Variants in TDRD3 observed in about 807,000 individuals in gnomAD.
TDRD3 encodes tudor domain-containing protein 3.
A neutral mutation model predicts 86.7 loss-of-function variants in TDRD3; 45 were observed. The observed-to-expected ratio is 0.52, with a 90% CI of 0.41 to 0.67. The LOEUF is 0.67. TDRD3 is among the 30% of genes least tolerant of loss of function. The pLI is 0.00. For missense variants in TDRD3, 814 were observed against 889.0 expected (o/e 0.92, Z 1.07); for synonymous variants, 298 against 301.7 (o/e 0.99, Z 0.13).
rs1205963190 is a variant in TDRD3 at position 60,573,013 on chromosome 13, TCC to T, written c.*10-602_*10-601del. Among the ~76,000 whole-genome samples the T allele has an allele frequency of 3.3e-5, 5 of 152,298 alleles. No individual in the cohort carries two copies. The East Asian group carries it at 9.6e-4, about 29-fold the overall frequency. ...GCTGTTTGTATGCAGCCGCAGGAAC[TCC>T]ACTAGTCCCTGCCTAAGCACGCTGT... is the stretch of plus-strand genomic sequence containing the variant. On this transcript the variant is annotated intron_variant, in intron 13 of 13. Transcript: ENST00000377881.
intron 3 of TDRD3, among the ~76,000 whole-genome samples, chr13:60,445,577 C>A (rs1477715865): frequency 6.6e-6 from 1 of 152,158 alleles, no homozygotes; most frequent in Non-Finnish European, 1.5e-5. Context: ...GGCTAGAACA[C>A]AAATTGCTGG....
intron 12 of TDRD3, among the ~76,000 whole-genome samples, chr13:60,560,324 A>G (rs1958303380): frequency 6.6e-6 from 1 of 152,170 alleles, no homozygotes. Flanking sequence ...TGGAATAAGC[A>G]TTCATACTCC....
intron 10 of TDRD3, among the ~76,000 whole-genome samples, chr13:60,524,336 G>A (rs549579368): frequency 4.6e-5 from 7 of 151,706 alleles, no homozygotes; most frequent in Non-Finnish European, 7.4e-5. Context: ...GTGAAACCCC[G>A]TCTCTACTAA....
At chr13:60,520,552 T>A (rs1446986450) in intron 10 of TDRD3, among the ~76,000 whole-genome samples, 1 of 152,138 alleles carries the variant, frequency 6.6e-6, no homozygotes, top group Non-Finnish European at 1.5e-5. Context: ...TCCCCACTCC[T>A]CCTAGTTTTT....
chr13:60,507,578 C>T lies in TDRD3; in HGVS notation c.859-2185C>T, dbSNP rs538307906. On this transcript the variant is annotated intron_variant, in intron 8 of 13. Coordinates refer to ENST00000377881, the MANE Select transcript of TDRD3 (RefSeq NM_001146070.2). The stretch of plus-strand genomic sequence containing the variant: ...TAGGTGGAAACTGAACAACCTTCTC[C>T]TGAATGACTACTGGGTAAATAAAAA... Among the ~76,000 whole-genome samples, 4 of 152,284 alleles carry T rather than the reference C, an allele frequency of 2.6e-5. No individual in the cohort carries two copies. In the South Asian group the frequency reaches 8.3e-4, roughly 32 times the overall value.
At chr13:60,552,034 C>G (rs1211963191) in intron 12 of TDRD3, among the ~76,000 whole-genome samples, 2 of 152,126 alleles carry the variant, frequency 1.3e-5, no homozygotes, top group Non-Finnish European at 2.9e-5. Context: ...ATCTTTCCAC[C>G]CTGGCTTCTC....
At chr13:60,496,288 CAT>C (rs56211733) in intron 8 of TDRD3, among the ~76,000 whole-genome samples, 206 of 60,854 alleles carry the variant, frequency 3.4e-3, no homozygotes, top group Middle Eastern at 0.019. Flanking sequence ...AACAAACTCC[CAT>C]ATATATATAT....
At chr13:60,461,562 G>A (rs1272817426) in intron 4 of TDRD3, among the ~76,000 whole-genome samples, 2 of 151,996 alleles carry the variant, frequency 1.3e-5, no homozygotes, top group South Asian at 2.1e-4. Context: ...TTTGCAGCTC[G>A]GGCTCCTCTA....
At chr13:60,560,216 T>C (rs1485113815) in intron 12 of TDRD3, among the ~76,000 whole-genome samples, 1 of 152,146 alleles carries the variant, frequency 6.6e-6, no homozygotes, top group Non-Finnish European at 1.5e-5. Flanking sequence ...AGCTAAGTAC[T>C]CTGAGCCTTA....
At chr13:60,399,464 C>G (rs927424912) in intron 1 of TDRD3, among the ~76,000 whole-genome samples, 15 of 152,170 alleles carry the variant, frequency 9.9e-5, no homozygotes, top group African/African-American at 3.4e-4. Flanking sequence ...TGCTAGGTCT[C>G]GAACAGACTA....
intron 12 of TDRD3, among the ~76,000 whole-genome samples, chr13:60,566,263 C>T (rs951190200): frequency 7.0e-6 from 1 of 143,508 alleles, no homozygotes; most frequent in Non-Finnish European, 1.5e-5. Flanking sequence ...AATAATAGTT[C>T]TTTTTTTTTT....
At chr13:60,484,613 C>T (rs1956387944) in intron 6 of TDRD3, 1 of 422,650 alleles carries the variant, frequency 2.4e-6, no homozygotes, top group Non-Finnish European at 4.6e-6. Context: ...AAGATATACT[C>T]TCACTTAAAT....
chr13:60,439,992 A>G (rs533104801), intron 2 of TDRD3, among the ~76,000 whole-genome samples: 22 of 152,342 alleles, frequency 1.4e-4, no homozygotes, highest in Admixed American at 4.6e-4. Flanking sequence ...GGAAAAAATG[A>G]AATTAACATC....
intron 3 of TDRD3, among the ~76,000 whole-genome samples, chr13:60,449,079 A>G (rs544245276): frequency 2.6e-5 from 4 of 152,124 alleles, no homozygotes; most frequent in Non-Finnish European, 5.9e-5. Flanking sequence ...AACCTCAGCA[A>G]TACTGACATC....
At chr13:60,422,699 G>C (rs1296116384) in intron 1 of TDRD3, among the ~76,000 whole-genome samples, 1 of 151,964 alleles carries the variant, frequency 6.6e-6, no homozygotes, top group African/African-American at 2.4e-5. Flanking sequence ...AAATGGACTA[G>C]AATGAAAAAT....
intron 2 of TDRD3, among the ~76,000 whole-genome samples, chr13:60,444,125 C>G (rs1955345550): frequency 1.3e-5 from 2 of 151,860 alleles, no homozygotes; most frequent in Admixed American, 6.6e-5. Flanking sequence ...TTACCACCTT[C>G]TATTTCTGTA....
chr13:60,404,497 A>T (rs1954184671), intron 1 of TDRD3, among the ~76,000 whole-genome samples: 1 of 150,840 alleles, frequency 6.6e-6, no homozygotes, highest in Admixed American at 6.6e-5. Flanking sequence ...TTTTTAGTAG[A>T]GACGGGGTTT....
At chr13:60,491,009 C>T (rs557541804) in intron 7 of TDRD3, among the ~76,000 whole-genome samples, 25 of 150,696 alleles carry the variant, frequency 1.7e-4, no homozygotes, top group African/African-American at 5.4e-4. Context: ...CCCAGCTACT[C>T]GGGAGCCTGA....
chr13:60,409,849 T>C (rs572851634), intron 1 of TDRD3, among the ~76,000 whole-genome samples: 3 of 152,256 alleles, frequency 2.0e-5, no homozygotes, highest in Admixed American at 6.5e-5. Context: ...GGTTTTGAAA[T>C]GTGAGGGCAT....
Sources: gnomAD v4.1 joint callset for allele counts (sites outside exome capture counted in the v4.1 genomes callset) on GRCh38, gnomAD v4.1.1 for gene constraint, MANE v1.5 for transcripts, NCBI Gene and HGNC (gene_info 2026-07-23, HGNC 2026-07-21) for gene names.